MARCHF7: variants seen among roughly 807,000 people sequenced by gnomAD.
The protein encoded by MARCHF7 is membrane associated ring-CH-type finger 7, also known as E3 ubiquitin-protein ligase MARCHF7.
A neutral mutation model predicts 76.5 loss-of-function variants in MARCHF7; 20 were observed. That is an observed-to-expected ratio of 0.26 (90% CI 0.18 to 0.38). The LOEUF (loss-of-function observed/expected upper bound fraction) is 0.38. MARCHF7 is among the 10% of genes least tolerant of loss of function. The pLI is 1.00. For missense variants in MARCHF7, 797 were observed against 812.9 expected (o/e 0.98, Z 0.24); for synonymous variants, 295 against 293.0 (o/e 1.01, Z -0.07).
At chr2:159,719,830 A>G (rs1701434118) in intron 3 of MARCHF7, among the ~76,000 whole-genome samples, 1 of 152,194 alleles carries the variant, frequency 6.6e-6, no homozygotes, top group Non-Finnish European at 1.5e-5. Context: ...AGAGACTGAG[A>G]TAAACAATAT....
At chr2:159,738,226 T>C (rs567250230) in intron 4 of MARCHF7, among the ~76,000 whole-genome samples, 70 of 152,210 alleles carry the variant, frequency 4.6e-4, no homozygotes, top group African/African-American at 1.5e-3. Context: ...AGGAACGCAG[T>C]GGCACCCAAA....
At chr2:159,742,548 T>TAA (rs34454952) in intron 4 of MARCHF7, among the ~76,000 whole-genome samples, 40,784 of 150,440 alleles carry the variant, frequency 0.27, 6,403 homozygotes, top group South Asian at 0.43. Flanking sequence ...CAAGTGTTTA[T>TAA]AAAAAAAAAG....
At chr2:159,744,521 C>T (rs1038790506) in intron 5 of MARCHF7, among the ~76,000 whole-genome samples, 6 of 152,208 alleles carry the variant, frequency 3.9e-5, no homozygotes, top group Admixed American at 1.3e-4. Flanking sequence ...AAATGTTAGC[C>T]AGTGCCAGTG....
In MARCHF7 at chr2:159,729,113, A is replaced by C. The variant is rs1702485797; in HGVS notation, c.91A>C (p.Ser31Arg). 1 of 1,611,158 alleles carries C rather than the reference A, an allele frequency of 6.2e-7. No homozygotes were observed. The highest frequency in any genetic ancestry group is 1.7e-5 in the Admixed American group (1 of 59,586). ...SARMMSGSRG[S>R]SLNDTYHSRD... ...TAGGATGATGTCTGGAAGCAGAGGA[A>C]GTAGTTTAAATGATACCTATCACTC... Residue 31 changes from serine (S) to arginine (R), a missense_variant, in exon 4 of 12, where the codon AGT (serine) becomes CGT (arginine). Ser to Arg is a moderately radical substitution (Grantham distance 110). This residue lies in a region of MARCHF7 where 643 missense variants were observed against 631.5 expected (regional missense o/e 1.02). Transcript: ENST00000409175.
intron 3 of MARCHF7, among the ~76,000 whole-genome samples, chr2:159,724,914 G>A (rs1701998933): frequency 6.6e-6 from 1 of 152,142 alleles, no homozygotes; most frequent in African/African-American, 2.4e-5. Context: ...TCCCACCCAT[G>A]AGTGAGAACA....
intron 4 of MARCHF7, among the ~76,000 whole-genome samples, chr2:159,739,449 A>G (rs772833897): frequency 3.3e-5 from 5 of 152,218 alleles, no homozygotes; most frequent in Non-Finnish European, 7.3e-5. Flanking sequence ...ACATCCATAC[A>G]AAAATTTACA....
intron 3 of MARCHF7, among the ~76,000 whole-genome samples, chr2:159,716,346 T>G (rs981933818): frequency 6.6e-6 from 1 of 151,932 alleles, no homozygotes; most frequent in African/African-American, 2.4e-5. Flanking sequence ...TCTGCAAGAC[T>G]CTTGAAATAT....
At position 159,732,921 on chromosome 2, in the gene MARCHF7, A is replaced by G. The variant is rs1702989054; in HGVS notation, c.153+3746A>G. The G allele has an allele frequency of 1.3e-5, 13 of 985,330 alleles. No individual in the cohort carries two copies. The South Asian group carries it at 5.6e-4, about 43-fold the overall frequency. The allele number at this position is 985,330 out of a possible 1,614,324, so 61.0% of individuals were successfully genotyped here. A position where few individuals can be genotyped will look rare whatever the true frequency, so the allele number is the denominator to read the frequency against. ...GCCACATCTATATGTGAGATGTAAG[A>G]TGAACAAGATTGTTCATCTTAATTG... On this transcript the variant is annotated intron_variant, in intron 4 of 11. Coordinates refer to ENST00000409175, the MANE Select transcript of MARCHF7 (RefSeq NM_001282805.2).
intron 7 of MARCHF7, among the ~76,000 whole-genome samples, chr2:159,750,143 C>T (rs200413254): frequency 2.0e-5 from 3 of 152,142 alleles, no homozygotes; most frequent in South Asian, 2.1e-4. Flanking sequence ...TGGCTTCAAG[C>T]GATCCTCATG....
intron 4 of MARCHF7, among the ~76,000 whole-genome samples, chr2:159,730,653 CAT>C (rs1399037436): frequency 6.6e-6 from 1 of 152,088 alleles, no homozygotes. Flanking sequence ...GGTGTAGAAT[CAT>C]ATATTTTGCC....
intron 7 of MARCHF7, among the ~76,000 whole-genome samples, chr2:159,751,264 AT>A (rs1705616584): frequency 6.6e-6 from 1 of 152,200 alleles, no homozygotes; most frequent in Non-Finnish European, 1.5e-5. Flanking sequence ...GTACCACTCT[AT>A]CTGGTTAATT....
rs973046724 is a variant in MARCHF7 at position 159,764,704 on chromosome 2, T to C, written c.2056+30T>C. ...GTGGAATTTCCCCTCCCCAGACTTG[T>C]TGAATTTACTTTTGCAAATTAAACC... On this transcript the variant is annotated intron_variant, in intron 11 of 11. Transcript: ENST00000409175. 6 of 1,569,414 alleles carry C rather than the reference T, an allele frequency of 3.8e-6. No individual in the cohort carries two copies. The South Asian group carries it at 4.7e-5, about 12-fold the overall frequency.
Position 159,748,454 on chromosome 2 carries a change from C to T in MARCHF7, c.1164C>T (p.Ser388=), listed in dbSNP as rs768493667. 18 of 1,614,122 alleles carry T rather than the reference C, an allele frequency of 1.1e-5. No individual in the cohort carries two copies. Among genetic ancestry groups the T allele is most frequent in the Non-Finnish European group, 1.5e-5 (18 of 1,180,026 alleles). The change falls in exon 7 of 12, where the codon TCC becomes TCT. Residue 388 remains serine (S), a synonymous_variant. Coordinates refer to ENST00000409175, the MANE Select transcript of MARCHF7 (RefSeq NM_001282805.2). ...EGRNTGPWLS[S]SLRNRCTPLF... is the part of the protein sequence containing the mutation. ...GAAATACAGGACCATGGTTATCTTC[C>T]TCACTTAGAAATAGATGCACACCTT...
At chr2:159,728,196 TGTCTCACAGGGTTG>T (rs920086128) in intron 3 of MARCHF7, among the ~76,000 whole-genome samples, 78 of 152,350 alleles carry the variant, frequency 5.1e-4, no homozygotes, top group African/African-American at 1.9e-3. Flanking sequence ...ATATAGTACC[TGTCTCACAGGGTTG>T]GTCTGGAGAG....
In MARCHF7 at chr2:159,767,567, T is replaced by G. The variant is rs185632288; in HGVS notation, c.*225T>G. 4.7e-4 allele frequency: 177 copies of G among 379,998 alleles called. No individual in the cohort carries two copies. The East Asian group carries it at 7.0e-3, about 15-fold the overall frequency. The allele number at this position is 379,998 out of a possible 1,614,324, so 23.5% of individuals were successfully genotyped here. On this transcript the variant is annotated 3_prime_UTR_variant, in exon 12 of 12. Coordinates refer to ENST00000409175, the MANE Select transcript of MARCHF7 (RefSeq NM_001282805.2). Reference sequence around the variant, plus strand: ...CATAGCAAATCCGATGTTTATAAACTGGTAATCAAAAAGGTTTTTTCTTTT... The same window carrying G: ...CATAGCAAATCCGATGTTTATAAACGGGTAATCAAAAAGGTTTTTTCTTTT...
intron 7 of MARCHF7, among the ~76,000 whole-genome samples, chr2:159,749,699 G>C (rs1361005138): frequency 6.6e-6 from 1 of 151,150 alleles, no homozygotes; most frequent in African/African-American, 2.4e-5. Context: ...TAGGTAAATA[G>C]ATAAGAATTA....
chr2:159,722,951 G>T (rs112906196), intron 3 of MARCHF7, among the ~76,000 whole-genome samples: 29 of 152,330 alleles, frequency 1.9e-4, no homozygotes, highest in Non-Finnish European at 4.1e-4. Context: ...GGGTGTAAAT[G>T]TAGTCAGAGT....
chr2:159,731,067 G>GT (rs1037088879), intron 4 of MARCHF7, among the ~76,000 whole-genome samples: 3 of 151,964 alleles, frequency 2.0e-5, no homozygotes, highest in African/African-American at 4.8e-5. Flanking sequence ...TAATTTTTGT[G>GT]TTTTTTTGAA....
chr2:159,755,051 A>C (rs1353404566), intron 8 of MARCHF7, among the ~76,000 whole-genome samples: 1 of 152,184 alleles, frequency 6.6e-6, no homozygotes, highest in Non-Finnish European at 1.5e-5. Flanking sequence ...TTTGCCAGGC[A>C]AATATGATGA....
Sources: gnomAD v4.1 joint callset for allele counts (sites outside exome capture counted in the v4.1 genomes callset) on GRCh38, gnomAD v4.1.1 for gene constraint, gnomAD v4.1.1 regional missense constraint, MANE v1.5 for transcripts, NCBI Gene and HGNC (gene_info 2026-07-23, HGNC 2026-07-21) for gene names.